SH3RF3: variants seen among roughly 807,000 people sequenced by gnomAD.
SH3RF3 encodes the protein E3 ubiquitin-protein ligase SH3RF3.
Under a neutral mutation model 66.3 loss-of-function variants are expected in SH3RF3, and 29 were observed. The ratio of observed to expected loss-of-function variants is 0.44; its 90% confidence interval spans 0.33 to 0.60. The LOEUF is 0.60. Among genes scored for constraint, SH3RF3 ranks in the 20% least tolerant of loss-of-function variants. The pLI is 0.04. For synonymous variants in SH3RF3, 583 were observed against 532.0 expected (o/e 1.10, Z -1.32); for missense variants, 1,194 against 1,190.9 (o/e 1.00, Z -0.04).
In SH3RF3 at chr2:109,449,274, C is replaced by T. The variant is rs748047627; in HGVS notation, c.1933C>T (p.His645Tyr). Residue 645 changes from histidine to tyrosine, a missense_variant, in exon 8 of 10, where the codon CAC (histidine) becomes TAC (tyrosine). Coordinates refer to ENST00000309415, the MANE Select transcript of SH3RF3 (RefSeq NM_001099289.3). Reference protein sequence around the residue: ...SRLPATSLRPHSVVSPQHSHQ... With the variant: ...SRLPATSLRPYSVVSPQHSHQ... Reference sequence around the variant, plus strand: ...CCTGCCTGCCACCAGCCTCAGGCCCCACTCGGTGGTGTCCCCGCAGCACAG... The same window carrying T: ...CCTGCCTGCCACCAGCCTCAGGCCCTACTCGGTGGTGTCCCCGCAGCACAG... The T allele has an allele frequency of 1.3e-5, 21 of 1,611,382 alleles. No homozygotes were observed. Among genetic ancestry groups the T allele is most frequent in the Non-Finnish European group, 1.7e-5 (20 of 1,178,846 alleles).
At chr2:109,483,338 G>T (rs1678883490) in intron 8 of SH3RF3, among the ~76,000 whole-genome samples, 1 of 152,178 alleles carries the variant, frequency 6.6e-6, no homozygotes, top group South Asian at 2.1e-4. Flanking sequence ...AAGCCCCAGT[G>T]GTGCCTCTCA....
At chr2:109,298,552 C>G (rs1681382119) in intron 1 of SH3RF3, among the ~76,000 whole-genome samples, 1 of 152,098 alleles carries the variant, frequency 6.6e-6, no homozygotes, top group Non-Finnish European at 1.5e-5. Context: ...CTTTGGCCAA[C>G]TGTTGTCTGC....
intron 4 of SH3RF3, among the ~76,000 whole-genome samples, chr2:109,399,626 A>C (rs1676249575): frequency 1.3e-5 from 2 of 152,208 alleles, no homozygotes; most frequent in African/African-American, 2.4e-5. Context: ...CAGTCAATCA[A>C]TAAAATAAAA....
chr2:109,217,834 C>G (rs1040341361), intron 1 of SH3RF3, among the ~76,000 whole-genome samples: 1 of 152,190 alleles, frequency 6.6e-6, no homozygotes, highest in East Asian at 1.9e-4. Flanking sequence ...ACCAGCTTCC[C>G]CCAGGCAGGG....
intron 1 of SH3RF3, among the ~76,000 whole-genome samples, chr2:109,166,158 T>G (rs1356011058): frequency 5.9e-5 from 9 of 152,028 alleles, no homozygotes. Context: ...TATGGTTGGC[T>G]TTTTCCCTCA....
At chr2:109,244,876 A>G (rs1679876419) in intron 1 of SH3RF3, among the ~76,000 whole-genome samples, 1 of 152,188 alleles carries the variant, frequency 6.6e-6, no homozygotes. Flanking sequence ...TGCCATCGTC[A>G]TATTCTGCAG....
intron 1 of SH3RF3, among the ~76,000 whole-genome samples, chr2:109,239,997 C>T (rs6745592): frequency 0.017 from 2,611 of 152,308 alleles, 78 homozygotes; most frequent in African/African-American, 0.058. Context: ...GGAATGCTTG[C>T]TGGCTCATGA....
Position 109,403,248 on chromosome 2 carries a change from G to A in SH3RF3, c.1299+4305G>A, listed in dbSNP as rs559995197. Among the ~76,000 whole-genome samples, 73 of 152,296 alleles carry A rather than the reference G, an allele frequency of 4.8e-4. 1 individual carries two copies. Among genetic ancestry groups the A allele is most frequent in the African/African-American group, 1.7e-3 (70 of 41,560 alleles). On this transcript the variant is annotated intron_variant, in intron 4 of 9. Transcript: ENST00000309415. ...ACTGTCCGAGGCTGGCCTCCTCCCC[G>A]CAGCTGTTAGGGGTGCGTCTGTAGT...
At chr2:109,233,838 T>C (rs750595845) in intron 1 of SH3RF3, among the ~76,000 whole-genome samples, 12 of 152,252 alleles carry the variant, frequency 7.9e-5, no homozygotes, top group Admixed American at 7.2e-4. Context: ...CTCTCACTTA[T>C]GTAGCACATT....
At chr2:109,342,128 A>G (rs1249613524) in intron 1 of SH3RF3, among the ~76,000 whole-genome samples, 1 of 152,206 alleles carries the variant, frequency 6.6e-6, no homozygotes, top group Non-Finnish European at 1.5e-5. Context: ...CTCTGTGTCC[A>G]TCTATAACTC....
chr2:109,133,435 A>C (rs562763869), intron 1 of SH3RF3, among the ~76,000 whole-genome samples: 12 of 152,350 alleles, frequency 7.9e-5, no homozygotes, highest in African/African-American at 2.9e-4. Flanking sequence ...TTTTATAAGC[A>C]TACACGTGTA....
rs1192574201 is a variant in SH3RF3, at chr2:109,308,234, T to C, written c.574-39440T>C. On this transcript the variant is annotated intron_variant, in intron 1 of 9. Coordinates refer to ENST00000309415, the MANE Select transcript of SH3RF3 (RefSeq NM_001099289.3). ...CATAAATGTCTTCTTTTGAGAAGTGTCTGTTCACATCGTTTGCCCACTTTT... is the reference window on the plus strand; with the variant it reads ...CATAAATGTCTTCTTTTGAGAAGTGCCTGTTCACATCGTTTGCCCACTTTT... Among the ~76,000 whole-genome samples the C allele has an allele frequency of 1.5e-5, 2 of 129,894 alleles. 1 individual carries two copies. Among genetic ancestry groups the C allele is most frequent in the Admixed American group, 1.5e-4 (2 of 13,384 alleles). 85.2% of individuals were successfully genotyped at this position (129,894 alleles called of 152,430 possible). A position where few individuals can be genotyped will look rare whatever the true frequency, so the allele number is the denominator to read the frequency against.
intron 1 of SH3RF3, among the ~76,000 whole-genome samples, chr2:109,282,316 C>T (rs1315896306): frequency 1.3e-5 from 2 of 151,914 alleles, no homozygotes; most frequent in East Asian, 1.9e-4. Flanking sequence ...ATAATTGGTG[C>T]AAGTTGTCTG....
chr2:109,310,343 T>C (rs1385314287), intron 1 of SH3RF3, among the ~76,000 whole-genome samples: 1 of 38,916 alleles, frequency 2.6e-5, no homozygotes, highest in Non-Finnish European at 4.2e-5. Flanking sequence ...TTCAAAGCAG[T>C]GTGTAGAGGG....
At chr2:109,211,662 T>G (rs543996659) in intron 1 of SH3RF3, among the ~76,000 whole-genome samples, 1 of 151,582 alleles carries the variant, frequency 6.6e-6, no homozygotes, top group Non-Finnish European at 1.5e-5. Context: ...TTTTTTTTTT[T>G]GAGATGGAGT....
At chr2:109,246,557 C>G (rs1445840794) in intron 1 of SH3RF3, among the ~76,000 whole-genome samples, 1 of 152,216 alleles carries the variant, frequency 6.6e-6, no homozygotes, top group Non-Finnish European at 1.5e-5. Flanking sequence ...TCATGCCTAA[C>G]AGGATGGCTG....
intron 1 of SH3RF3, among the ~76,000 whole-genome samples, chr2:109,309,218 C>T (rs574459661): frequency 7.8e-6 from 1 of 128,928 alleles, no homozygotes; most frequent in Non-Finnish European, 1.6e-5. Context: ...TGATTTGGCT[C>T]TCTGTTTGTC....
chr2:109,464,481 C>T (rs1319958312), intron 8 of SH3RF3, among the ~76,000 whole-genome samples: 1 of 152,156 alleles, frequency 6.6e-6, no homozygotes, highest in Non-Finnish European at 1.5e-5. Flanking sequence ...AACATCTGTA[C>T]ACATATACAG....
intron 5 of SH3RF3, 69 bp from the exon 6 acceptor site, chr2:109,432,432 A>G: frequency 2.5e-6 from 4 of 1,578,154 alleles, no homozygotes; most frequent in Non-Finnish European, 3.4e-6. Flanking sequence ...ACCTCCCCCC[A>G]GGAATGCCGG....
Sources: gnomAD v4.1 joint callset for allele counts (sites outside exome capture counted in the v4.1 genomes callset) on GRCh38, gnomAD v4.1.1 for gene constraint, MANE v1.5 for transcripts, NCBI Gene and HGNC (gene_info 2026-07-23, HGNC 2026-07-21) for gene names.